The following UBE3D variants were observed in gnomAD, a reference collection of about 807,000 sequenced individuals.
UBE3D encodes the protein ubiquitin protein ligase E3D.
Under a neutral mutation model 49.6 loss-of-function variants are expected in UBE3D, and 48 were observed. The observed-to-expected ratio is 0.97, with a 90% confidence interval of 0.77 to 1.23. The LOEUF is 1.23. UBE3D is among the 50% of genes most tolerant of loss of function. UBE3D has a pLI of 0.00. For synonymous variants in UBE3D, 189 were observed against 174.2 expected (o/e 1.08, Z -0.67); for missense variants, 452 against 468.4 (o/e 0.96, Z 0.32).
At chr6:83,002,231 G>A (rs1248035484) in intron 8 of UBE3D, among the ~76,000 whole-genome samples, 1 of 152,166 alleles carries the variant, frequency 6.6e-6, no homozygotes, top group Non-Finnish European at 1.5e-5. Flanking sequence ...TGTTCTCCAT[G>A]AAAACCTGTT....
chr6:82,982,281 C>CAA (rs1778166487), intron 8 of UBE3D, among the ~76,000 whole-genome samples: 1 of 152,086 alleles, frequency 6.6e-6, no homozygotes, highest in Admixed American at 6.6e-5. Context: ...TACTCTAAGA[C>CAA]AGAGTTATTT....
chr6:83,000,918 T>C (rs137901406), intron 8 of UBE3D, among the ~76,000 whole-genome samples: 1 of 152,144 alleles, frequency 6.6e-6, no homozygotes, highest in East Asian at 1.9e-4. Flanking sequence ...GCTCTCGGCT[T>C]ACCGCAACCT....
intron 9 of UBE3D, among the ~76,000 whole-genome samples, chr6:82,918,778 C>G (rs2127733156): frequency 6.6e-6 from 1 of 151,718 alleles, no homozygotes; most frequent in East Asian, 1.9e-4. Flanking sequence ...TGAAACTCAC[C>G]AGATCCAGAC....
intron 9 of UBE3D, among the ~76,000 whole-genome samples, chr6:82,925,529 C>A (rs1773684565): frequency 6.6e-6 from 1 of 152,156 alleles, no homozygotes; most frequent in African/African-American, 2.4e-5. Context: ...CATGGGGAAT[C>A]CATCCTATCC....
chr6:82,928,544 C>T (rs965525833), intron 9 of UBE3D, among the ~76,000 whole-genome samples: 6 of 152,122 alleles, frequency 3.9e-5, no homozygotes, highest in African/African-American at 1.2e-4. Flanking sequence ...ACACCAACCA[C>T]CTTATATTAG....
At chr6:83,011,233 C>A (rs1336733023) in intron 8 of UBE3D, among the ~76,000 whole-genome samples, 1 of 152,184 alleles carries the variant, frequency 6.6e-6, no homozygotes, top group African/African-American at 2.4e-5. Flanking sequence ...CAAGTGTATA[C>A]ATGCACAAAC....
chr6:82,889,636 C>T (rs757392827), downstream of UBE3D, among the ~76,000 whole-genome samples: 35 of 152,094 alleles, frequency 2.3e-4, 1 homozygote, highest in Non-Finnish European at 2.9e-5. Context: ...TGAAATAGCA[C>T]CTAATCTTTC....
chr6:82,986,696 G>A (rs10455413), intron 8 of UBE3D, among the ~76,000 whole-genome samples: 26,038 of 146,342 alleles, frequency 0.18, 2,465 homozygotes, highest in African/African-American at 0.24. Context: ...ATACATATGC[G>A]TGATTATACA....
At position 83,028,058 on chromosome 6, in the gene UBE3D, T is replaced by TG. The variant is rs528816112; in HGVS notation, c.668-4021_668-4020insC. 2.6e-4 allele frequency among the ~76,000 whole-genome samples: 39 copies of TG among 152,328 alleles called. No individual in the cohort carries two copies. In the East Asian group the frequency reaches 7.3e-3, roughly 29 times the overall value. ...TCTGGTGTTAAACCACTGGCTGAGT[T>TG]TTTAATATCAATTATAACACTTTTT... On this transcript the variant is annotated intron_variant, in intron 5 of 9. Transcript: ENST00000369747.
intron 9 of UBE3D, among the ~76,000 whole-genome samples, chr6:82,911,421 A>G (rs16877892): frequency 0.11 from 15,980 of 152,110 alleles, 1,643 homozygotes; most frequent in African/African-American, 0.27. Context: ...ATGGAATAAC[A>G]AGGGCCCAAA....
chr6:83,060,102 TCCCAAAGC>T (rs2127855082), intron 1 of UBE3D, among the ~76,000 whole-genome samples: 1 of 152,096 alleles, frequency 6.6e-6, no homozygotes, highest in Admixed American at 6.5e-5. Context: ...TCTAACTACC[TCCCAAAGC>T]CCCATCTCCT....
At chr6:82,944,030 A>G (rs939790904) in intron 9 of UBE3D, among the ~76,000 whole-genome samples, 1 of 152,066 alleles carries the variant, frequency 6.6e-6, no homozygotes, top group African/African-American at 2.4e-5. Context: ...GCCATAAAAA[A>G]ACTTGAAACA....
intron 8 of UBE3D, among the ~76,000 whole-genome samples, chr6:83,002,496 C>A (rs1229437333): frequency 6.6e-6 from 1 of 152,136 alleles, no homozygotes; most frequent in Admixed American, 6.5e-5. Context: ...ACCAACCTGG[C>A]CAACCTGATG....
At chr6:83,014,691 G>A (rs189620023) in intron 8 of UBE3D, among the ~76,000 whole-genome samples, 4 of 152,294 alleles carry the variant, frequency 2.6e-5, no homozygotes, top group Admixed American at 1.3e-4. Context: ...CAGTTAGCCT[G>A]GTAAAAGGCT....
Position 82,892,968 on chromosome 6 carries a change from GTGCTCC to G in UBE3D, c.*48_*53del. ...TCCTGAGCTGACTGCTGGCCTCGGTGTGCTCCTGCTTGAGAGCTGTCTGCCGGGGGA... is the reference window on the plus strand; with the variant it reads ...TCCTGAGCTGACTGCTGGCCTCGGTGTGCTTGAGAGCTGTCTGCCGGGGGA... On this transcript the variant is annotated 3_prime_UTR_variant, in exon 10 of 10. Transcript: ENST00000369747. 1 of 1,609,740 alleles carries G rather than the reference GTGCTCC, an allele frequency of 6.2e-7. No homozygotes were observed. The highest frequency in any genetic ancestry group is 8.5e-7 in the Non-Finnish European group (1 of 1,176,466).
At chr6:82,916,041 G>T (rs559106517) in intron 9 of UBE3D, among the ~76,000 whole-genome samples, 1 of 152,312 alleles carries the variant, frequency 6.6e-6, no homozygotes, top group Admixed American at 6.5e-5. Flanking sequence ...AGGGACAAAA[G>T]TCATAATCAT....
chr6:82,975,102 T>C (rs1777622968), intron 8 of UBE3D, among the ~76,000 whole-genome samples: 1 of 151,798 alleles, frequency 6.6e-6, no homozygotes, highest in African/African-American at 2.4e-5. Context: ...TAAACACACA[T>C]TTTTCAGTGA....
At chr6:82,944,336 G>A (rs902588838) in intron 9 of UBE3D, among the ~76,000 whole-genome samples, 1 of 152,232 alleles carries the variant, frequency 6.6e-6, no homozygotes, top group African/African-American at 2.4e-5. Context: ...GCTCCTGGAT[G>A]ACATTTGTAG....
At chr6:82,917,485 A>C (rs1332789034) in intron 9 of UBE3D, among the ~76,000 whole-genome samples, 3 of 152,194 alleles carry the variant, frequency 2.0e-5, no homozygotes, top group Non-Finnish European at 4.4e-5. Flanking sequence ...GTAGCTAGCT[A>C]CATGCCGATA....
Sources: allele counts gnomAD v4.1 joint callset (sites outside exome capture counted in the v4.1 genomes callset), GRCh38; gene constraint gnomAD v4.1.1; transcripts MANE v1.5; gene names NCBI Gene and HGNC (gene_info 2026-07-23, HGNC 2026-07-21).